Variants in GPC5 observed in about 807,000 individuals in gnomAD.
GPC5 encodes glypican-5.
A neutral mutation model predicts 53.9 loss-of-function variants in GPC5; 47 were observed. The observed-to-expected ratio is 0.87, with a 90% confidence interval of 0.69 to 1.11. The LOEUF (loss-of-function observed/expected upper bound fraction) is 1.11. GPC5 is among the 50% of genes most tolerant of loss of function. The probability of loss-of-function intolerance (pLI) is 0.00; values close to 1 mark genes in which losing one functional copy is unlikely to be tolerated. For synonymous variants in GPC5, 286 were observed against 263.3 expected (o/e 1.09, Z -0.84); for missense variants, 748 against 713.1 (o/e 1.05, Z -0.56).
intron 7 of GPC5, among the ~76,000 whole-genome samples, chr13:92,816,510 C>T (rs1353413546): frequency 6.6e-6 from 1 of 151,982 alleles, no homozygotes; most frequent in Admixed American, 6.6e-5. Context: ...TTGAGCATGG[C>T]CTGTGTGATC....
intron 7 of GPC5, among the ~76,000 whole-genome samples, chr13:92,581,814 G>C (rs1883382115): frequency 3.3e-5 from 5 of 152,086 alleles, no homozygotes. Context: ...CCTGATGATA[G>C]GTGATGCTGA....
intron 7 of GPC5, among the ~76,000 whole-genome samples, chr13:92,492,280 CT>C (rs201056974): frequency 3.4e-5 from 5 of 148,808 alleles, no homozygotes; most frequent in African/African-American, 4.9e-5. Context: ...TTCTTTTTTT[CT>C]TTTTTTTTAA....
At chr13:91,661,962 A>G (rs2034997668) in intron 2 of GPC5, among the ~76,000 whole-genome samples, 1 of 152,212 alleles carries the variant, frequency 6.6e-6, no homozygotes, top group South Asian at 2.1e-4. Context: ...TAGAAATTTC[A>G]TTAAACTGCT....
At chr13:92,100,602 A>G (rs957686902) in intron 6 of GPC5, among the ~76,000 whole-genome samples, 7 of 152,054 alleles carry the variant, frequency 4.6e-5, no homozygotes, top group African/African-American at 1.7e-4. Flanking sequence ...CTTTGAATTG[A>G]TTGCTCATAT....
In GPC5 at chr13:92,137,753, A is replaced by C. The variant is rs141883112; in HGVS notation, c.1402-7077A>C. Among the ~76,000 whole-genome samples, 113 of 152,254 alleles carry C rather than the reference A, an allele frequency of 7.4e-4. 1 individual carries two copies. Among genetic ancestry groups the C allele is most frequent in the African/African-American group, 2.6e-3 (110 of 41,544 alleles). On this transcript the variant is annotated intron_variant, in intron 6 of 7. Coordinates refer to ENST00000377067, the MANE Select transcript of GPC5 (RefSeq NM_004466.6). ...CAATCCTCCCACCTCGCCTCCCAAG[A>C]AGCTGAGACGGCAGGCATGCCCTAC...
At chr13:92,140,862 C>T (rs2041825480) in intron 6 of GPC5, among the ~76,000 whole-genome samples, 1 of 152,078 alleles carries the variant, frequency 6.6e-6, no homozygotes, top group African/African-American at 2.4e-5. Flanking sequence ...CCAGTTGCTG[C>T]TTAGAGGTGA....
At chr13:91,809,249 T>C (rs1762559521) in intron 5 of GPC5, among the ~76,000 whole-genome samples, 3 of 152,154 alleles carry the variant, frequency 2.0e-5, no homozygotes, top group South Asian at 2.1e-4. Flanking sequence ...ATACCATCAG[T>C]ATTCAACAGT....
chr13:92,175,315 C>A (rs1023039287), intron 7 of GPC5, among the ~76,000 whole-genome samples: 2 of 152,054 alleles, frequency 1.3e-5, no homozygotes, highest in Non-Finnish European at 2.9e-5. Context: ...ACATCTATAC[C>A]ATATTTTGTA....
intron 7 of GPC5, among the ~76,000 whole-genome samples, chr13:92,681,966 A>G (rs909009535): frequency 1.7e-4 from 26 of 152,144 alleles, no homozygotes; most frequent in African/African-American, 6.3e-4. Flanking sequence ...ACAGTGCAAG[A>G]TATTTGTTGT....
intron 7 of GPC5, among the ~76,000 whole-genome samples, chr13:92,157,654 T>A (rs888423679): frequency 2.0e-5 from 3 of 152,194 alleles, no homozygotes; most frequent in Non-Finnish European, 4.4e-5. Flanking sequence ...GGAAGAAACA[T>A]GTTTAAAATT....
chr13:92,248,947 G>A (rs1316880127), intron 7 of GPC5, among the ~76,000 whole-genome samples: 3 of 152,160 alleles, frequency 2.0e-5, no homozygotes, highest in Admixed American at 6.6e-5. Flanking sequence ...TATTCATTAC[G>A]TGGAGAGCAG....
intron 7 of GPC5, among the ~76,000 whole-genome samples, chr13:92,293,406 G>T (rs2043011374): frequency 7.2e-6 from 1 of 139,242 alleles, no homozygotes. Context: ...TACTCCTAAG[G>T]TTGGTTGGTT....
chr13:91,851,334 C>G (rs2038910611), intron 5 of GPC5, among the ~76,000 whole-genome samples: 1 of 151,912 alleles, frequency 6.6e-6, no homozygotes, highest in Non-Finnish European at 1.5e-5. Context: ...AAAAAATACA[C>G]TCATATAGGG....
chr13:92,806,848 T>C (rs1399201533), intron 7 of GPC5, among the ~76,000 whole-genome samples: 1 of 152,024 alleles, frequency 6.6e-6, no homozygotes, highest in Non-Finnish European at 1.5e-5. Flanking sequence ...ATGAAAAAGT[T>C]GGAAATATGG....
At chr13:91,630,008 C>T (rs1432058831) in intron 2 of GPC5, among the ~76,000 whole-genome samples, 2 of 152,070 alleles carry the variant, frequency 1.3e-5, no homozygotes, top group South Asian at 2.1e-4. Flanking sequence ...AATTTTCTCT[C>T]ACCTACTGTG....
At chr13:92,170,420 CTTTTTT>C (rs61418155) in intron 7 of GPC5, among the ~76,000 whole-genome samples, 9 of 75,260 alleles carry the variant, frequency 1.2e-4, no homozygotes, top group Non-Finnish European at 1.7e-4. Flanking sequence ...CTTTTCTTTG[CTTTTTT>C]TTTTTTTTTT....
Position 92,144,983 on chromosome 13 carries a change from A to G in GPC5, c.1555A>G (p.Thr519Ala). Residue 519 changes from threonine (T) to alanine (A), a missense_variant, in exon 7 of 8, where the codon ACA becomes GCA. By Grantham distance (58) the Thr-to-Ala change is moderately conservative (BLOSUM62 0). Coordinates refer to ENST00000377067, the MANE Select transcript of GPC5 (RefSeq NM_004466.6). ...AGAAGTCAAGAGGACACTGAAGATC[A>G]CAGACTGTAAGTGTATGATTCTAAC... ...SGEVKRTLKITDWMPDDMNFS... is the reference protein window; with the variant it reads ...SGEVKRTLKIADWMPDDMNFS... The G allele has an allele frequency of 6.7e-7, 1 of 1,502,068 alleles. No homozygotes were observed. The highest frequency in any genetic ancestry group is 8.9e-7 in the Non-Finnish European group (1 of 1,129,422). The allele number at this position is 1,502,068 out of a possible 1,614,324, so 93.0% of individuals were successfully genotyped here.
chr13:91,769,797 A>G (rs1310166332), intron 5 of GPC5, among the ~76,000 whole-genome samples: 2 of 152,132 alleles, frequency 1.3e-5, no homozygotes, highest in Non-Finnish European at 2.9e-5. Flanking sequence ...CTCTGTATTC[A>G]CACTCAACAC....
At chr13:91,421,066 A>G (rs76201576) in intron 1 of GPC5, among the ~76,000 whole-genome samples, 2,816 of 152,308 alleles carry the variant, frequency 0.018, 91 homozygotes, top group African/African-American at 0.064. Flanking sequence ...GAGCTACTCT[A>G]TGAGGCATAA....
Sources: gnomAD v4.1 joint callset for allele counts (sites outside exome capture counted in the v4.1 genomes callset) on GRCh38, gnomAD v4.1.1 for gene constraint, MANE v1.5 for transcripts, NCBI Gene and HGNC (gene_info 2026-07-23, HGNC 2026-07-21) for gene names.